P3H1: variants seen among roughly 807,000 people sequenced by gnomAD.
P3H1 encodes growth suppressor 1.
In P3H1, 69 loss-of-function variants were observed where a neutral mutation model predicts 84.0. The ratio of observed to expected loss-of-function variants is 0.82; its 90% CI spans 0.68 to 1.00. The LOEUF (loss-of-function observed/expected upper bound fraction) is 1.00, where lower values mean the gene tolerates loss of function less well. Ranked by LOEUF, P3H1 falls within the 50% of genes least tolerant of loss-of-function variation. P3H1 has a pLI of 0.00. For missense variants in P3H1, 878 were observed against 962.8 expected (o/e 0.91, Z 1.17); for synonymous variants, 366 against 388.8 (o/e 0.94, Z 0.69).
At chr1:42,752,727 G>A (rs1026837089) in intron 8 of P3H1, 63 bp from the exon 9 acceptor site, 1 of 1,599,356 alleles carries the variant, frequency 6.3e-7, no homozygotes, top group Admixed American at 1.7e-5. Context: ...ACTCTCCATT[G>A]GATATTGCCT....
At chr1:42,755,719 C>T (rs1652372038) in intron 5 of P3H1, 82 bp from the exon 6 acceptor site, 2 of 1,001,964 alleles carry the variant, frequency 2.0e-6, no homozygotes, top group Middle Eastern at 2.0e-4. Context: ...TGGCACCCCA[C>T]ACTGATGCTC....
chr1:42,748,370 G>A, intron 11 of P3H1, 53 bp from the exon 12 acceptor site: 1 of 1,351,614 alleles, frequency 7.4e-7, no homozygotes, highest in Non-Finnish European at 1.1e-6. Context: ...AGACGGCATA[G>A]CTCTCTTCTT....
intron 2 of P3H1, chr1:42,761,192 A>G (rs1202736534): frequency 6.7e-6 from 1 of 149,270 alleles, no homozygotes; most frequent in Non-Finnish European, 1.5e-5. Context: ...CTGGTCTCAA[A>G]CTCCTGACCT....
chr1:42,757,413 G>C (rs1226333069), intron 5 of P3H1, among the ~76,000 whole-genome samples: 1 of 152,120 alleles, frequency 6.6e-6, no homozygotes, highest in African/African-American at 2.4e-5. Context: ...CAGAAAACAG[G>C]TGAGCAGAAA....
At position 42,750,281 on chromosome 1, in the gene P3H1, G is replaced by C; in HGVS notation, c.1625C>G (p.Thr542Arg). 1 of 1,614,044 alleles carries C rather than the reference G, an allele frequency of 6.2e-7. No homozygotes were observed. Among genetic ancestry groups the C allele is most frequent in the Non-Finnish European group, 8.5e-7 (1 of 1,180,000 alleles). Residue 542 changes from threonine to arginine, a missense_variant, in exon 11 of 15, where the codon ACG becomes AGG. Transcript: ENST00000296388. ...CTCCATGATGCGCCGCACCTTCTCC[G>C]TCACGTTGTAGTACAGGTGGGCACT... The part of the protein sequence containing the change: ...LQSAHLYYNV[T>R]EKVRRIMESY...
chr1:42,752,223 C>A, intron 10 of P3H1, 51 bp downstream of exon 10: 1 of 1,475,686 alleles, frequency 6.8e-7, no homozygotes. Context: ...CTGAGCTTCC[C>A]CCTTCCCCAC....
chr1:42,759,010 A>G, intron 3 of P3H1, 27 bp from the exon 4 acceptor site: 2 of 1,613,972 alleles, frequency 1.2e-6, no homozygotes, highest in South Asian at 1.1e-5. Flanking sequence ...AGAAGGAATA[A>G]CTATGAGGTC....
intron 10 of P3H1, among the ~76,000 whole-genome samples, 186 bp downstream of exon 10, chr1:42,752,088 G>A (rs967328373): frequency 6.6e-6 from 1 of 152,134 alleles, no homozygotes; most frequent in African/African-American, 2.4e-5. Flanking sequence ...GATTACACTC[G>A]GTCTAACAGG....
intron 5 of P3H1, among the ~76,000 whole-genome samples, chr1:42,756,640 T>C (rs1652419495): frequency 6.6e-6 from 1 of 152,224 alleles, no homozygotes; most frequent in African/African-American, 2.4e-5. Context: ...TGTCACCAAA[T>C]GCTATGTTAT....
In P3H1 at chr1:42,766,784, CG is replaced by C; in HGVS notation, c.187del (p.Arg63AlafsTer45). ...AAGGGCGCGGAGGGCTGCCCGGGAG[CG>C]CAGCGCCCGTTCCATGCTCAGGACC... ...GVVLSMERALRSRAALRALRL... is the reference protein window; with the variant it reads ...GVVLSMERALXSRAALRALRL... On this transcript the variant is annotated frameshift_variant, in exon 1 of 15. Coordinates refer to ENST00000296388, the MANE Select transcript of P3H1 (RefSeq NM_022356.4). LOFTEE classifies it high-confidence loss of function. 1 of 1,599,674 alleles carries C rather than the reference CG, an allele frequency of 6.3e-7. No homozygotes were observed. The highest frequency in any genetic ancestry group is 1.7e-5 in the Admixed American group (1 of 59,474).
rs149894086 is a variant in P3H1, at chr1:42,752,314, T to G, written c.1529A>C (p.Asn510Thr). Residue 510 changes from asparagine to threonine, a missense_variant, in exon 10 of 15, where the codon AAT becomes ACT. Transcript: ENST00000296388. ...YRGQTSPHTP[N>T]EKFYGVTVFK... ...GACAGTGACACCATAGAACTTTTCATTGGGAGTATGTGGGGAGGTCTGACC... is the reference window on the plus strand; with the variant it reads ...GACAGTGACACCATAGAACTTTTCAGTGGGAGTATGTGGGGAGGTCTGACC... 6.2e-7 allele frequency: 1 copy of G among 1,613,990 alleles called. No homozygotes were observed. The highest frequency in any genetic ancestry group is 1.3e-5 in the African/African-American group (1 of 74,900).
intron 13 of P3H1, 66 bp from the exon 14 acceptor site, chr1:42,747,478 C>T: frequency 6.7e-7 from 1 of 1,499,422 alleles, no homozygotes; most frequent in Non-Finnish European, 9.2e-7. Context: ...TCAGAAGAGA[C>T]ATGGGCTCAT....
chr1:42,762,582 C>T (rs1331449073), intron 1 of P3H1, 107 bp from the exon 2 acceptor site: 2 of 1,248,700 alleles, frequency 1.6e-6, no homozygotes, highest in African/African-American at 2.9e-5. Flanking sequence ...TCCCTGAGCC[C>T]TCCACTCAGC....
intron 2 of P3H1, 138 bp downstream of exon 2, chr1:42,762,185 C>T (rs1652754192): frequency 2.4e-6 from 2 of 843,428 alleles, no homozygotes; most frequent in Non-Finnish European, 3.9e-6. Context: ...ACTAGAGGGT[C>T]TCTTGAGTCC....
chr1:42,758,732 T>G, intron 4 of P3H1, 120 bp downstream of exon 4: 1 of 1,213,922 alleles, frequency 8.2e-7, no homozygotes, highest in Non-Finnish European at 1.2e-6. Context: ...GCATGGTGCC[T>G]CCCATAGCTA....
Position 42,754,628 on chromosome 1 carries a change from C to T in P3H1, c.1345+241G>A, listed in dbSNP as rs182980158. On this transcript the variant is annotated intron_variant, in intron 8 of 14. Coordinates refer to ENST00000296388, the MANE Select transcript of P3H1 (RefSeq NM_022356.4). This position sits in a 1 kb window ranked among gnomAD's most constrained non-coding sequence, Gnocchi z 4.0. ...TCAGCCTGCCAAGTAGCTGGGATTA[C>T]GGGTGTGCACCACTACATCCTGGAG... 2.7e-4 allele frequency among the ~76,000 whole-genome samples: 41 copies of T among 152,176 alleles called. No homozygotes were observed. The highest frequency in any genetic ancestry group is 1.2e-3 in the Admixed American group (18 of 15,286).
At chr1:42,751,654 C>G (rs938822478) in intron 10 of P3H1, 1 of 161,998 alleles carries the variant, frequency 6.2e-6, no homozygotes, top group Non-Finnish European at 1.3e-5. Flanking sequence ...CAGAAGTTCT[C>G]TCTTTGCCTG....
At position 42,766,966 on chromosome 1, in the gene P3H1, C is replaced by T. The variant is rs899406860; in HGVS notation, c.6G>A (p.Ala2=). Residue 2 remains alanine (A), a synonymous_variant, in exon 1 of 15, where the codon GCG becomes GCA. Transcript: ENST00000296388. Reference sequence around the variant, plus strand: ...TGGTCAGCAGCTTCAACGCGCGTACCGCCATCGCTCCCTCAGACCTAACGG... The same window carrying T: ...TGGTCAGCAGCTTCAACGCGCGTACTGCCATCGCTCCCTCAGACCTAACGG... M[A]VRALKLLTTL... is the part of the protein sequence containing the mutation. The T allele has an allele frequency of 6.8e-5, 110 of 1,607,948 alleles. 4 individuals are homozygous for T. Among genetic ancestry groups the T allele is most frequent in the Non-Finnish European group, 4.2e-6 (5 of 1,179,798 alleles).
At chr1:42,750,671 C>T (rs867918084) in intron 10 of P3H1, among the ~76,000 whole-genome samples, 1 of 117,076 alleles carries the variant, frequency 8.5e-6, no homozygotes, top group Non-Finnish European at 1.7e-5. Flanking sequence ...GTCGGCCAGC[C>T]GCCCCGTCCG....
Sources: allele counts gnomAD v4.1 joint callset (sites outside exome capture counted in the v4.1 genomes callset), GRCh38; gene constraint gnomAD v4.1.1; non-coding constraint Gnocchi (gnomAD v3.1); transcripts MANE v1.5; gene names NCBI Gene and HGNC (gene_info 2026-07-23, HGNC 2026-07-21).